FRMD5: variants seen among roughly 807,000 people sequenced by gnomAD.
The protein encoded by FRMD5 is FERM domain containing 5, also known as FERM domain-containing protein 5.
A neutral mutation model predicts 69.0 loss-of-function variants in FRMD5; 20 were observed. The observed-to-expected ratio is 0.29, with a 90% CI of 0.20 to 0.42. The LOEUF (loss-of-function observed/expected upper bound fraction) is 0.42. Ranked by LOEUF, FRMD5 falls within the 10% of genes least tolerant of loss-of-function variation. The pLI, the probability that FRMD5 is intolerant of heterozygous loss-of-function variation, is 1.00. For missense variants in FRMD5, 595 were observed against 708.6 expected (o/e 0.84, Z 1.82); for synonymous variants, 271 against 260.1 (o/e 1.04, Z -0.40).
intron 1 of FRMD5, among the ~76,000 whole-genome samples, chr15:43,940,118 G>A (rs578232126): frequency 2.0e-5 from 3 of 152,262 alleles, no homozygotes; most frequent in South Asian, 2.1e-4. Context: ...CAGAGGTTGC[G>A]GTGAACCCAG....
At chr15:43,916,957 T>C (rs2089400586) in intron 4 of FRMD5, among the ~76,000 whole-genome samples, 2 of 151,932 alleles carry the variant, frequency 1.3e-5, no homozygotes, top group Admixed American at 1.3e-4. Flanking sequence ...ATTTTGTCTT[T>C]TTAGTAGAGA....
At chr15:44,061,226 C>G (rs1480231286) in intron 1 of FRMD5, among the ~76,000 whole-genome samples, 1 of 152,202 alleles carries the variant, frequency 6.6e-6, no homozygotes. Context: ...TTCCCACAAC[C>G]TAGACATTCC....
intron 5 of FRMD5, among the ~76,000 whole-genome samples, chr15:43,907,567 C>T (rs2089202884): frequency 6.6e-6 from 1 of 151,590 alleles, no homozygotes; most frequent in African/African-American, 2.4e-5. Context: ...GCTCTGTCAC[C>T]AGGCTGGAGT....
intron 1 of FRMD5, among the ~76,000 whole-genome samples, chr15:44,166,930 T>C (rs1438692450): frequency 6.6e-6 from 1 of 152,210 alleles, no homozygotes. Context: ...TGTTTTTATC[T>C]AGTCAGTATG....
chr15:43,983,310 G>A (rs2090576104), intron 1 of FRMD5, among the ~76,000 whole-genome samples: 1 of 152,094 alleles, frequency 6.6e-6, no homozygotes, highest in South Asian at 2.1e-4. Context: ...AGCAAACTAG[G>A]TGCTTTATAT....
intron 1 of FRMD5, among the ~76,000 whole-genome samples, chr15:44,023,813 T>C (rs1310000933): frequency 1.3e-5 from 2 of 152,208 alleles, no homozygotes; most frequent in African/African-American, 2.4e-5. Flanking sequence ...TTATAAATTA[T>C]GGAACATTAA....
intron 10 of FRMD5, among the ~76,000 whole-genome samples, chr15:43,887,889 T>G (rs578130092): frequency 7.0e-4 from 107 of 152,354 alleles, no homozygotes; most frequent in African/African-American, 2.4e-3. Flanking sequence ...TGAGACATAT[T>G]TTACCTGGCA....
chr15:44,129,914 C>T (rs1005786084), intron 1 of FRMD5, among the ~76,000 whole-genome samples: 5 of 152,192 alleles, frequency 3.3e-5, no homozygotes, highest in African/African-American at 1.2e-4. Flanking sequence ...AGGCAAAGCA[C>T]ATGGGTCAGC....
chr15:44,193,846 C>G (rs2078235697), intron 1 of FRMD5, among the ~76,000 whole-genome samples: 1 of 152,190 alleles, frequency 6.6e-6, no homozygotes, highest in Admixed American at 6.5e-5. Flanking sequence ...AGGCGGGGGG[C>G]AAGAAGACAC....
At chr15:44,069,979 A>C (rs1372083579) in intron 1 of FRMD5, among the ~76,000 whole-genome samples, 1 of 152,210 alleles carries the variant, frequency 6.6e-6, no homozygotes, top group Non-Finnish European at 1.5e-5. Flanking sequence ...ATAACTACTA[A>C]GGAAATTTTT....
chr15:44,036,371 T>C (rs2140300251), intron 1 of FRMD5, among the ~76,000 whole-genome samples: 1 of 151,736 alleles, frequency 6.6e-6, no homozygotes, highest in Admixed American at 6.6e-5. Flanking sequence ...AAAAAAACCC[T>C]CCTGGGTCCC....
chr15:44,007,637 A>ATTTT (rs35512441), intron 1 of FRMD5, among the ~76,000 whole-genome samples: 1,979 of 80,986 alleles, frequency 0.024, 53 homozygotes, highest in Non-Finnish European at 0.03. Context: ...TAATTAACTA[A>ATTTT]TTTTTTTTTT....
intron 1 of FRMD5, among the ~76,000 whole-genome samples, chr15:44,153,978 C>T (rs970285133): frequency 1.3e-5 from 2 of 151,918 alleles, no homozygotes; most frequent in African/African-American, 4.8e-5. Flanking sequence ...AAAAAAATGG[C>T]TAAGATGGTA....
intron 1 of FRMD5, among the ~76,000 whole-genome samples, chr15:44,043,211 T>C (rs934566042): frequency 1.3e-5 from 2 of 152,074 alleles, no homozygotes; most frequent in African/African-American, 2.4e-5. Context: ...GGAATACAAC[T>C]TACAAGGGAC....
At position 43,897,453 on chromosome 15, in the gene FRMD5, C is replaced by T. The variant is rs564733123; in HGVS notation, c.639+4722G>A. Among the ~76,000 whole-genome samples, 119 of 136,272 alleles carry T rather than the reference C, an allele frequency of 8.7e-4. 3 individuals carry two copies. In the South Asian group the frequency reaches 0.026, roughly 30 times the overall value. 89.4% of individuals were successfully genotyped at this position (136,272 alleles called of 152,430 possible). On this transcript the variant is annotated intron_variant, in intron 7 of 13. Transcript: ENST00000417257. Reference sequence around the variant, plus strand: ...AGTGAGCTGAGATTACACCATTGCACTCCAGTCTGGGCAACAAGAGTGACA... The same window carrying T: ...AGTGAGCTGAGATTACACCATTGCATTCCAGTCTGGGCAACAAGAGTGACA...
At chr15:44,032,378 T>C (rs1891720321) in intron 1 of FRMD5, among the ~76,000 whole-genome samples, 1 of 152,180 alleles carries the variant, frequency 6.6e-6, no homozygotes, top group Non-Finnish European at 1.5e-5. Flanking sequence ...GAAGAGCTTC[T>C]GCAGACACAG....
chr15:43,986,730 T>A (rs949556741), intron 1 of FRMD5, among the ~76,000 whole-genome samples: 1 of 151,580 alleles, frequency 6.6e-6, no homozygotes, highest in African/African-American at 2.4e-5. Flanking sequence ...TTTTTTTTTT[T>A]ATAAATACGG....
At chr15:44,025,562 G>A (rs1051925841) in intron 1 of FRMD5, among the ~76,000 whole-genome samples, 10 of 152,136 alleles carry the variant, frequency 6.6e-5, no homozygotes, top group Non-Finnish European at 1.3e-4. Flanking sequence ...CATTTTTCAG[G>A]TTATTAGGGT....
At chr15:43,949,938 T>C (rs889076934) in intron 1 of FRMD5, among the ~76,000 whole-genome samples, 3 of 152,070 alleles carry the variant, frequency 2.0e-5, no homozygotes, top group African/African-American at 7.2e-5. Context: ...GCATGCTGCA[T>C]GGAGATTCCA....
Sources: allele counts gnomAD v4.1 joint callset (sites outside exome capture counted in the v4.1 genomes callset), GRCh38; gene constraint gnomAD v4.1.1; transcripts MANE v1.5; gene names NCBI Gene and HGNC (gene_info 2026-07-23, HGNC 2026-07-21).